Variants in KLRF1 observed in about 807,000 individuals in gnomAD.
KLRF1 encodes the protein killer cell lectin-like receptor subfamily F member 1.
KLRF1 carries 27 observed loss-of-function variants against 30.7 expected under a neutral mutation model. That is an observed-to-expected ratio of 0.88 (90% CI 0.65 to 1.21). The LOEUF is 1.21. KLRF1 is among the 50% of genes most tolerant of loss of function. The pLI, the probability that KLRF1 is intolerant of heterozygous loss-of-function variation, is 0.00. For synonymous variants in KLRF1, 92 were observed against 89.3 expected, an observed-to-expected ratio of 1.03 and a Z score of -0.17; for missense variants, 246 against 259.3, an observed-to-expected ratio of 0.95 and a Z score of 0.35.
In KLRF1 at chr12:9,828,719, C is replaced by T. The variant is rs191126856; in HGVS notation, c.85+1090C>T. On this transcript the variant is annotated intron_variant, in intron 1 of 5. Transcript: ENST00000617889. ...CAGTGATTCATCTTAGAGTTACATA[C>T]GTGCTATGTATAAGAAATTTATTGC... Among the ~76,000 whole-genome samples, 31 of 152,254 alleles carry T rather than the reference C, an allele frequency of 2.0e-4. 1 individual carries two copies. Among genetic ancestry groups the T allele is most frequent in the South Asian group, 8.3e-4 (4 of 4,826 alleles).
chr12:9,826,554 T>A (rs954594350), upstream of KLRF1, among the ~76,000 whole-genome samples: 5 of 152,104 alleles, frequency 3.3e-5, no homozygotes, highest in African/African-American at 1.2e-4. Context: ...AAATCTATCA[T>A]AAAGACACAT....
At chr12:9,826,901 A>G (rs1459243724), upstream of KLRF1, among the ~76,000 whole-genome samples, 1 of 152,164 alleles carries the variant, frequency 6.6e-6, no homozygotes, top group Non-Finnish European at 1.5e-5. Flanking sequence ...GGGCAGGATC[A>G]GAAAAACATA....
intron 3 of KLRF1, among the ~76,000 whole-genome samples, chr12:9,835,797 G>A (rs1867563018): frequency 6.6e-6 from 1 of 152,060 alleles, no homozygotes; most frequent in Non-Finnish European, 1.5e-5. Flanking sequence ...AGGAATAGTA[G>A]TTTGTGTTGT....
chr12:9,813,153 A>T, the KLRF1 span, among the ~76,000 whole-genome samples: 14 of 151,626 alleles, frequency 9.2e-5, no homozygotes, highest in Middle Eastern at 3.4e-3. Context: ...TTAATTAATT[A>T]ATTTATTATT....
chr12:9,825,765 A>G (rs1469017425), upstream of KLRF1, among the ~76,000 whole-genome samples: 2 of 152,200 alleles, frequency 1.3e-5, no homozygotes, highest in Non-Finnish European at 2.9e-5. Context: ...TTTGCAGACT[A>G]TGCATTTGAC....
At chr12:9,808,743 T>C in the KLRF1 span, among the ~76,000 whole-genome samples, 1 of 152,154 alleles carries the variant, frequency 6.6e-6, no homozygotes, top group Admixed American at 6.5e-5. Context: ...TATCCATATG[T>C]GTAATATGAG....
the KLRF1 span, among the ~76,000 whole-genome samples, chr12:9,812,998 G>T: frequency 6.6e-6 from 1 of 152,158 alleles, no homozygotes; most frequent in African/African-American, 2.4e-5. Flanking sequence ...CTTCCATGGG[G>T]GATGGGCCGA....
chr12:9,813,706 G>A, the KLRF1 span, among the ~76,000 whole-genome samples: 2 of 152,214 alleles, frequency 1.3e-5, no homozygotes, highest in Admixed American at 6.5e-5. Context: ...CGACAGGAAA[G>A]CTCTGAGGCA....
chr12:9,807,340 A>C, the KLRF1 span, among the ~76,000 whole-genome samples: 1 of 152,094 alleles, frequency 6.6e-6, no homozygotes, highest in Non-Finnish European at 1.5e-5. Context: ...AGATTTTGCT[A>C]TATTAACCTT....
At chr12:9,841,499 T>TA (rs1867701794) in intron 3 of KLRF1, among the ~76,000 whole-genome samples, 1 of 152,128 alleles carries the variant, frequency 6.6e-6, no homozygotes. Context: ...TTCTAAGTGA[T>TA]ACAAATTATA....
upstream of KLRF1, among the ~76,000 whole-genome samples, chr12:9,824,969 A>G (rs755424175): frequency 7.2e-5 from 11 of 152,316 alleles, no homozygotes; most frequent in South Asian, 2.3e-3. Context: ...GAAATCAGAG[A>G]TGACACAAAC....
intron 1 of KLRF1, among the ~76,000 whole-genome samples, chr12:9,831,056 T>C (rs1867412045): frequency 6.6e-6 from 1 of 151,980 alleles, no homozygotes. Flanking sequence ...CTACAACCTG[T>C]AGTGCTTAGG....
At chr12:9,815,882 G>T in the KLRF1 span, among the ~76,000 whole-genome samples, 1 of 152,150 alleles carries the variant, frequency 6.6e-6, no homozygotes, top group Non-Finnish European at 1.5e-5. Context: ...GCAATGGCGT[G>T]ATCTCAGCTC....
At chr12:9,830,874 T>G (rs1867405845) in intron 1 of KLRF1, among the ~76,000 whole-genome samples, 1 of 152,000 alleles carries the variant, frequency 6.6e-6, no homozygotes, top group Non-Finnish European at 1.5e-5. Context: ...TAAGTTAAAT[T>G]AAACCATTTC....
intron 3 of KLRF1, 45 bp from the exon 4 acceptor site, chr12:9,841,767 G>A: frequency 6.8e-7 from 1 of 1,480,584 alleles, no homozygotes; most frequent in Middle Eastern, 2.1e-4. Context: ...TTTCAGAGAT[G>A]CATATGTAAT....
At chr12:9,806,912 A>T in the KLRF1 span, among the ~76,000 whole-genome samples, 1 of 152,014 alleles carries the variant, frequency 6.6e-6, no homozygotes, top group Non-Finnish European at 1.5e-5. Context: ...CAAACTCCTG[A>T]CCTCAAATGA....
At chr12:9,831,751 A>G (rs1004080497) in intron 1 of KLRF1, among the ~76,000 whole-genome samples, 3 of 152,166 alleles carry the variant, frequency 2.0e-5, no homozygotes. Context: ...GTGTAAGTCT[A>G]TGAAAAATAA....
intron 1 of KLRF1, among the ~76,000 whole-genome samples, chr12:9,828,148 C>T (rs1024101697): frequency 4.6e-5 from 7 of 151,528 alleles, no homozygotes; most frequent in Non-Finnish European, 8.8e-5. Flanking sequence ...GGCATGATCT[C>T]GGCTCACTGC....
the KLRF1 span, among the ~76,000 whole-genome samples, chr12:9,814,956 A>G: frequency 2.0e-5 from 3 of 152,206 alleles, no homozygotes; most frequent in South Asian, 2.1e-4. Context: ...ACGACGATGT[A>G]TTTTATATTT....
Sources: gnomAD v4.1 joint callset for allele counts (sites outside exome capture counted in the v4.1 genomes callset) on GRCh38, gnomAD v4.1.1 for gene constraint, MANE v1.5 for transcripts, NCBI Gene and HGNC (gene_info 2026-07-23, HGNC 2026-07-21) for gene names.